Variants in AUTS2 observed in about 807,000 individuals in gnomAD.
The protein encoded by AUTS2 is activator of transcription and developmental regulator AUTS2.
In AUTS2, 17 loss-of-function variants were observed where a neutral mutation model predicts 112.4. The observed-to-expected ratio is 0.15, with a 90% confidence interval of 0.10 to 0.23. AUTS2 has a LOEUF of 0.23. Among genes scored for constraint, AUTS2 ranks in the 10% least tolerant of loss-of-function variants. The pLI, the probability that AUTS2 is intolerant of heterozygous loss-of-function variation, is 1.00. For synonymous variants in AUTS2, 751 were observed against 702.7 expected (o/e 1.07, Z -1.09); for missense variants, 1,510 against 1,701.6 (o/e 0.89, Z 1.98).
chr7:70,225,263 T>C (rs1436759335), intron 4 of AUTS2, among the ~76,000 whole-genome samples: 2 of 152,210 alleles, frequency 1.3e-5, no homozygotes, highest in East Asian at 3.8e-4. Flanking sequence ...TTTTTCTGTA[T>C]CTTGTCTCCC....
intron 6 of AUTS2, among the ~76,000 whole-genome samples, chr7:70,709,362 G>T (rs887354548): frequency 6.6e-6 from 1 of 152,156 alleles, no homozygotes; most frequent in Non-Finnish European, 1.5e-5. Flanking sequence ...ATGAGAAACT[G>T]GGGGGTGGCC....
intron 5 of AUTS2, among the ~76,000 whole-genome samples, chr7:70,640,182 C>T (rs10950207): frequency 0.39 from 59,219 of 151,658 alleles, 11,984 homozygotes; most frequent in East Asian, 0.59. Flanking sequence ...ATACAGTACA[C>T]GGATGTGCAT....
At chr7:70,329,352 G>A (rs770260085) in intron 4 of AUTS2, among the ~76,000 whole-genome samples, 40 of 151,970 alleles carry the variant, frequency 2.6e-4, no homozygotes, top group Admixed American at 2.2e-3. Context: ...GAAGATTGCC[G>A]AACTATTTTC....
intron 4 of AUTS2, among the ~76,000 whole-genome samples, chr7:70,314,824 C>T (rs2129616354): frequency 6.6e-6 from 1 of 152,308 alleles, no homozygotes; most frequent in Non-Finnish European, 1.5e-5. Flanking sequence ...TCAACCAACG[C>T]TTACAGTCTC....
intron 4 of AUTS2, among the ~76,000 whole-genome samples, chr7:70,339,142 G>T (rs937953195): frequency 6.6e-6 from 1 of 151,714 alleles, no homozygotes; most frequent in South Asian, 2.1e-4. Flanking sequence ...GGATTACAGG[G>T]GTGAGCCACC....
chr7:70,498,793 C>T (rs1450229910), intron 5 of AUTS2, among the ~76,000 whole-genome samples: 1 of 152,132 alleles, frequency 6.6e-6, no homozygotes, highest in Non-Finnish European at 1.5e-5. Flanking sequence ...ATTAGAGCTG[C>T]GATGATGTGT....
chr7:70,450,650 G>A (rs1796493066), intron 5 of AUTS2, among the ~76,000 whole-genome samples: 1 of 152,176 alleles, frequency 6.6e-6, no homozygotes, highest in African/African-American at 2.4e-5. Flanking sequence ...GAAGCCACTG[G>A]GTACCTTATG....
intron 5 of AUTS2, among the ~76,000 whole-genome samples, chr7:70,687,588 G>T (rs1808536964): frequency 6.6e-6 from 1 of 152,070 alleles, no homozygotes; most frequent in African/African-American, 2.4e-5. Context: ...TGTCTCAATG[G>T]TATGCATCAT....
At chr7:70,277,005 TA>T (rs1207208375) in intron 4 of AUTS2, among the ~76,000 whole-genome samples, 3 of 152,186 alleles carry the variant, frequency 2.0e-5, no homozygotes, top group African/African-American at 7.2e-5. Context: ...ATTCTTGGAA[TA>T]GACAACCATC....
chr7:70,359,906 C>T (rs978641575), intron 4 of AUTS2, among the ~76,000 whole-genome samples: 1 of 152,154 alleles, frequency 6.6e-6, no homozygotes, highest in Non-Finnish European at 1.5e-5. Context: ...TTTGATGTGG[C>T]AGTGATAGTC....
intron 2 of AUTS2, among the ~76,000 whole-genome samples, chr7:70,092,795 G>GCAGCTCTCCA (rs1238174498): frequency 6.6e-6 from 1 of 152,058 alleles, no homozygotes; most frequent in Non-Finnish European, 1.5e-5. Flanking sequence ...CTTTATTTCT[G>GCAGCTCTCCA]CCTGCAGCTC....
chr7:70,013,415 T>G (rs936962159), intron 2 of AUTS2, among the ~76,000 whole-genome samples: 6 of 152,208 alleles, frequency 3.9e-5, no homozygotes, highest in Non-Finnish European at 7.3e-5. Flanking sequence ...GCTTTTAGCT[T>G]TCCTACATTC....
chr7:70,572,098 T>C (rs1801966160), intron 5 of AUTS2, among the ~76,000 whole-genome samples: 1 of 152,194 alleles, frequency 6.6e-6, no homozygotes, highest in Admixed American at 6.5e-5. Context: ...ATGAATTTTC[T>C]ATTGTTATGC....
At chr7:70,322,921 C>G (rs1273303112) in intron 4 of AUTS2, among the ~76,000 whole-genome samples, 2 of 152,212 alleles carry the variant, frequency 1.3e-5, no homozygotes, top group Non-Finnish European at 2.9e-5. Flanking sequence ...TCCTTCCACT[C>G]TCAGCACTTT....
intron 4 of AUTS2, among the ~76,000 whole-genome samples, chr7:70,232,072 C>G (rs950045626): frequency 5.3e-5 from 8 of 152,146 alleles, no homozygotes; most frequent in African/African-American, 1.4e-4. Context: ...TGCATCCAGC[C>G]TATAATCTGT....
intron 1 of AUTS2, among the ~76,000 whole-genome samples, chr7:69,620,656 T>G (rs1409359267): frequency 2.6e-5 from 4 of 152,174 alleles, no homozygotes; most frequent in Non-Finnish European, 5.9e-5. Context: ...TTAAAAAGAA[T>G]CATCTAAAAT....
intron 1 of AUTS2, among the ~76,000 whole-genome samples, chr7:69,703,815 G>A (rs1797933334): frequency 6.6e-6 from 1 of 152,156 alleles, no homozygotes; most frequent in African/African-American, 2.4e-5. Flanking sequence ...GTGCTAGTCT[G>A]TTTGGTCATG....
intron 1 of AUTS2, among the ~76,000 whole-genome samples, chr7:69,750,403 T>C (rs1481651377): frequency 6.7e-6 from 1 of 148,572 alleles, no homozygotes; most frequent in Non-Finnish European, 1.5e-5. Flanking sequence ...TATATTAGTA[T>C]ATATTAGTAT....
chr7:69,847,383 C>A (rs1185036769), intron 1 of AUTS2, among the ~76,000 whole-genome samples: 2 of 152,186 alleles, frequency 1.3e-5, no homozygotes, highest in Non-Finnish European at 2.9e-5. Context: ...TGTCCCGCAG[C>A]AAATTCTGTC....
Sources: gnomAD v4.1 joint callset for allele counts (sites outside exome capture counted in the v4.1 genomes callset) on GRCh38, gnomAD v4.1.1 for gene constraint, MANE v1.5 for transcripts, NCBI Gene and HGNC (gene_info 2026-07-23, HGNC 2026-07-21) for gene names.